LRRTM4: variants seen among roughly 807,000 people sequenced by gnomAD.
LRRTM4 encodes leucine rich repeat transmembrane neuronal 4.
A neutral mutation model predicts 47.6 loss-of-function variants in LRRTM4; 25 were observed. That is an observed-to-expected ratio of 0.53 (90% CI 0.38 to 0.73). LRRTM4 has a LOEUF of 0.73. Among genes scored for constraint, LRRTM4 ranks in the 30% least tolerant of loss-of-function variants. The pLI, the probability that LRRTM4 is intolerant of heterozygous loss-of-function variation, is 0.00. For synonymous variants in LRRTM4, 311 were observed against 269.5 expected (o/e 1.15, Z -1.51); for missense variants, 638 against 713.4 (o/e 0.89, Z 1.20).
intron 3 of LRRTM4, among the ~76,000 whole-genome samples, chr2:77,430,831 A>T (rs1188264582): frequency 2.0e-5 from 3 of 148,074 alleles, no homozygotes; most frequent in Admixed American, 6.6e-5. Context: ...AGATATTGTC[A>T]TGTAAGTTGG....
intron 3 of LRRTM4, among the ~76,000 whole-genome samples, chr2:76,983,474 C>T (rs189685248): frequency 3.9e-5 from 6 of 151,998 alleles, no homozygotes; most frequent in African/African-American, 1.2e-4. Context: ...AATGGGAGTT[C>T]CCTGCACGAG....
At chr2:77,348,004 A>G (rs1671630186) in intron 3 of LRRTM4, among the ~76,000 whole-genome samples, 1 of 148,540 alleles carries the variant, frequency 6.7e-6, no homozygotes, top group Non-Finnish European at 1.5e-5. Flanking sequence ...AAAAAAACCA[A>G]ACAATTAACA....
At chr2:77,379,203 T>C (rs1334568218) in intron 3 of LRRTM4, among the ~76,000 whole-genome samples, 1 of 152,144 alleles carries the variant, frequency 6.6e-6, no homozygotes, top group African/African-American at 2.4e-5. Context: ...TGCTCTATAT[T>C]GAACTTTTAT....
chr2:76,933,583 T>C (rs1214073852), intron 3 of LRRTM4, among the ~76,000 whole-genome samples: 2 of 152,144 alleles, frequency 1.3e-5, no homozygotes, highest in African/African-American at 4.8e-5. Context: ...TTATAATTAA[T>C]TATTGCATTT....
chr2:77,369,055 C>T (rs892223664), intron 3 of LRRTM4, among the ~76,000 whole-genome samples: 1 of 151,696 alleles, frequency 6.6e-6, no homozygotes, highest in Non-Finnish European at 1.5e-5. Context: ...GAGGTAATAT[C>T]TCCTAGTGGT....
chr2:77,319,246 G>A (rs1038013001), intron 3 of LRRTM4, among the ~76,000 whole-genome samples: 1 of 152,082 alleles, frequency 6.6e-6, no homozygotes, highest in Non-Finnish European at 1.5e-5. Context: ...AATCAGCTGG[G>A]TGTGGTGGCG....
chr2:77,241,864 G>C (rs1464414715), intron 3 of LRRTM4, among the ~76,000 whole-genome samples: 2 of 151,966 alleles, frequency 1.3e-5, no homozygotes, highest in Admixed American at 1.3e-4. Context: ...GTCCAATATA[G>C]TTTCCCCAAC....
intron 2 of LRRTM4, 64 bp downstream of exon 2, chr2:77,521,601 CACG>C: frequency 6.3e-7 from 1 of 1,597,142 alleles, no homozygotes; most frequent in Non-Finnish European, 8.6e-7. Context: ...CTGCTAATGC[CACG>C]ACTGAGGATA....
At chr2:76,778,647 CTCTT>C (rs953082398) in intron 3 of LRRTM4, among the ~76,000 whole-genome samples, 3 of 152,038 alleles carry the variant, frequency 2.0e-5, no homozygotes, top group Admixed American at 6.5e-5. Flanking sequence ...TGATTCTTCT[CTCTT>C]TTTTTCTTTA....
rs368003842 is a variant in LRRTM4 at position 76,853,632 on chromosome 2, A to G, written c.1552-104716T>C. ...TAGGCTAAATGGCAAATCTGTGGAT[A>G]GAAAAAAAAATGTACCAATTTCAAA... is the stretch of plus-strand genomic sequence containing the variant. On this transcript the variant is annotated intron_variant, in intron 3 of 3. Transcript: ENST00000409884. 5.9e-5 allele frequency among the ~76,000 whole-genome samples: 9 copies of G among 152,248 alleles called. No homozygotes were observed. The East Asian group carries it at 1.4e-3, about 23-fold the overall frequency.
chr2:77,097,739 T>C (rs1670848572), intron 3 of LRRTM4, among the ~76,000 whole-genome samples: 1 of 151,944 alleles, frequency 6.6e-6, no homozygotes, highest in African/African-American at 2.4e-5. Flanking sequence ...GAAAAACATG[T>C]GTGAAAATCA....
At chr2:76,932,037 C>A (rs953916497) in intron 3 of LRRTM4, among the ~76,000 whole-genome samples, 1 of 152,116 alleles carries the variant, frequency 6.6e-6, no homozygotes, top group African/African-American at 2.4e-5. Context: ...TTGATGACTT[C>A]GATCAGTAAC....
intron 3 of LRRTM4, among the ~76,000 whole-genome samples, chr2:77,344,284 C>T (rs1671480451): frequency 6.6e-6 from 1 of 151,690 alleles, no homozygotes; most frequent in South Asian, 2.1e-4. Flanking sequence ...AATTATCTGA[C>T]AAAGACTATA....
At chr2:77,352,097 G>A (rs1164134306) in intron 3 of LRRTM4, among the ~76,000 whole-genome samples, 1 of 152,094 alleles carries the variant, frequency 6.6e-6, no homozygotes, top group African/African-American at 2.4e-5. Flanking sequence ...TTGGCAATGA[G>A]GGAAGATTCT....
intron 3 of LRRTM4, among the ~76,000 whole-genome samples, chr2:77,275,397 A>G (rs1203401424): frequency 6.6e-6 from 1 of 152,174 alleles, no homozygotes; most frequent in Non-Finnish European, 1.5e-5. Context: ...AATTATTTTT[A>G]TAGAACCAAA....
chr2:76,762,823 A>G (rs1673305508), intron 3 of LRRTM4, among the ~76,000 whole-genome samples: 1 of 152,188 alleles, frequency 6.6e-6, no homozygotes, highest in African/African-American at 2.4e-5. Flanking sequence ...CTTTAATGAA[A>G]GCCATAAATT....
intron 3 of LRRTM4, among the ~76,000 whole-genome samples, chr2:77,276,990 C>G (rs529503714): frequency 6.6e-6 from 1 of 151,684 alleles, no homozygotes; most frequent in African/African-American, 2.4e-5. Context: ...GAGATAATGG[C>G]TGTATATTCT....
chr2:77,149,064 T>TATGCCAAG (rs1467446780), intron 3 of LRRTM4, among the ~76,000 whole-genome samples: 1 of 152,212 alleles, frequency 6.6e-6, no homozygotes, highest in Non-Finnish European at 1.5e-5. Flanking sequence ...CATGATTTTC[T>TATGCCAAG]ATGCCAAGAA....
At chr2:77,483,367 GTC>G (rs932634403) in intron 3 of LRRTM4, among the ~76,000 whole-genome samples, 2 of 152,048 alleles carry the variant, frequency 1.3e-5, no homozygotes, top group Non-Finnish European at 2.9e-5. Context: ...GAGGGGGACA[GTC>G]TCTCTCTGTA....
Sources: allele counts gnomAD v4.1 joint callset (sites outside exome capture counted in the v4.1 genomes callset), GRCh38; gene constraint gnomAD v4.1.1; transcripts MANE v1.5; gene names NCBI Gene and HGNC (gene_info 2026-07-23, HGNC 2026-07-21).